Variants in OR52A1 observed in about 807,000 individuals in gnomAD.
OR52A1 encodes the protein olfactory receptor family 52 subfamily A member 1, also known as olfactory receptor 52A1.
A neutral mutation model predicts 14.3 loss-of-function variants in OR52A1; 14 were observed. The ratio of observed to expected loss-of-function variants is 0.98; its 90% CI spans 0.65 to 1.54. OR52A1 has a LOEUF of 1.54. Ranked by LOEUF, OR52A1 falls within the 40% of genes most tolerant of loss-of-function variation. OR52A1 has a pLI of 0.00. For synonymous variants in OR52A1, 151 were observed against 135.3 expected, an observed-to-expected ratio of 1.12 and a Z score of -0.80; for missense variants, 405 against 381.3, an observed-to-expected ratio of 1.06 and a Z score of -0.52.
rs1318850387 is a variant in OR52A1, at chr11:5,152,233, A to G, written c.137T>C (p.Leu46Ser). Residue 46 changes from leucine (L) to serine (S), a missense_variant, in exon 2 of 2, where the codon TTG becomes TCG. Transcript: ENST00000380367. ...CTCAGATTTGATGATGCTCAGAAGC[A>G]AGGAATTTCCAATCATAGCAATGAG... ...IYLIAMIGNS[L>S]LLSIIKSERS... 6.2e-7 allele frequency: 1 copy of G among 1,614,200 alleles called. No individual in the cohort carries two copies. Among genetic ancestry groups the G allele is most frequent in the Non-Finnish European group, 8.5e-7 (1 of 1,180,018 alleles).
In OR52A1 at chr11:5,151,990, G is replaced by T. The variant is rs1368150532; in HGVS notation, c.380C>A (p.Ala127Asp). 6.2e-7 allele frequency: 1 copy of T among 1,614,018 alleles called. No homozygotes were observed. The highest frequency in any genetic ancestry group is 1.7e-5 in the Admixed American group (1 of 60,022). ...LVAMALDRYV[A>D]ICYPLRHANI... ...GGCATGTCTTAGTGGATAACAGATG[G>T]CCACATAACGGTCCAGGGCCATGGC... Residue 127 changes from alanine to aspartate, a missense_variant, in exon 2 of 2, where the codon GCC becomes GAC. Ala to Asp is a moderately radical substitution (Grantham distance 126). Transcript: ENST00000380367.
At position 5,152,121 on chromosome 11, in the gene OR52A1, C is replaced by G; in HGVS notation, c.249G>C (p.Met83Ile). ...GCACATTAAACCAGAATATTCCAAG[C>G]ATCTTTGGCATAATGCTGCTAGCAA... ...IALASSIMPK[M>I]LGIFWFNVPE... is the part of the protein sequence containing the mutation. The change falls in exon 2 of 2, where the codon ATG becomes ATC. Residue 83 changes from methionine (M) to isoleucine (I), a missense_variant. By Grantham distance (10) the Met-to-Ile change is conservative (BLOSUM62 1). Coordinates refer to ENST00000380367, the MANE Select transcript of OR52A1 (RefSeq NM_012375.3). The G allele has an allele frequency of 6.2e-7, 1 of 1,614,154 alleles. No homozygotes were observed. The highest frequency in any genetic ancestry group is 8.5e-7 in the Non-Finnish European group (1 of 1,179,976).
chr11:5,147,313 G>C lies in OR52A1; in HGVS notation c.*4118C>G, dbSNP rs986282849. ...GATTGGGGCACAATGCCCAGATTCT[G>C]GTCAGATATTATTCTGGATGTTTCT... On this transcript the variant is annotated 3_prime_UTR_variant, in exon 2 of 2. Coordinates refer to ENST00000380367, the MANE Select transcript of OR52A1 (RefSeq NM_012375.3). 6 of 152,188 alleles carry C rather than the reference G, an allele frequency of 3.9e-5. No homozygotes were observed. Among genetic ancestry groups the C allele is most frequent in the Admixed American group, 1.3e-4 (2 of 15,288 alleles). The allele number at this position is 152,188 out of a possible 1,614,324, so 9.4% of individuals were successfully genotyped here. A position where few individuals can be genotyped will look rare whatever the true frequency, so the allele number is the denominator to read the frequency against.
rs760646883 is a variant in OR52A1 at position 5,151,259 on chromosome 11, C to T, written c.*172G>A. 2.2e-5 allele frequency: 13 copies of T among 591,356 alleles called. No homozygotes were observed. Among genetic ancestry groups the T allele is most frequent in the Non-Finnish European group, 3.0e-5 (10 of 334,786 alleles). The allele number at this position is 591,356 out of a possible 1,614,324, so 36.6% of individuals were successfully genotyped here. On this transcript the variant is annotated 3_prime_UTR_variant, in exon 2 of 2. Transcript: ENST00000380367. ...TTTCACACTTCTCACTTTCATTAGT[C>T]ACGTAGAATTCACAATCCCACTGAT...
At position 5,150,753 on chromosome 11, in the gene OR52A1, T is replaced by C. The variant is rs1846530991; in HGVS notation, c.*678A>G. ...TTATTCACTGTGCCAGATTTACTAT[T>C]ATGTCACGATTCTGTAGTATAGTAT... On this transcript the variant is annotated 3_prime_UTR_variant, in exon 2 of 2. Transcript: ENST00000380367. The C allele has an allele frequency of 2.0e-5, 3 of 152,152 alleles. No homozygotes were observed. Among genetic ancestry groups the C allele is most frequent in the Non-Finnish European group, 4.4e-5 (3 of 68,048 alleles). The allele number at this position is 152,152 out of a possible 1,614,324, so 9.4% of individuals were successfully genotyped here.
chr11:5,152,745 G>C (rs1404647244), intron 1 of OR52A1, 55 bp from the exon 2 acceptor site: 1 of 180,758 alleles, frequency 5.5e-6, no homozygotes, highest in Non-Finnish European at 1.3e-5. Context: ...ATTTTAATTT[G>C]GTTAATAAAC....
rs1395396191 is a variant in OR52A1, at chr11:5,151,979, G to A, written c.391C>T (p.Pro131Ser). Residue 131 changes from proline (P) to serine (S), a missense_variant, in exon 2 of 2, where the codon CCA (proline) becomes TCA (serine). Pro to Ser is a moderately conservative substitution (Grantham distance 74, BLOSUM62 -1). Transcript: ENST00000380367. The part of the protein sequence containing the change: ...ALDRYVAICY[P>S]LRHANIFTHQ... The stretch of plus-strand genomic sequence containing the variant: ...GTGAAGATGTTGGCATGTCTTAGTG[G>A]ATAACAGATGGCCACATAACGGTCC... 2 of 1,614,048 alleles carry A rather than the reference G, an allele frequency of 1.2e-6. No homozygotes were observed. Among genetic ancestry groups the A allele is most frequent in the South Asian group, 1.1e-5 (1 of 91,076 alleles).
Position 5,149,979 on chromosome 11 carries a change from T to C in OR52A1, c.*1452A>G, listed in dbSNP as rs1846522632. 1 of 152,140 alleles carries C rather than the reference T, an allele frequency of 6.6e-6. No individual in the cohort carries two copies. The highest frequency in any genetic ancestry group is 1.9e-4 in the East Asian group (1 of 5,200). The allele number at this position is 152,140 out of a possible 1,614,324, so 9.4% of individuals were successfully genotyped here. Reference sequence around the variant, plus strand: ...GTATGACAAGCAATCCAATATTTCTTATATTTGCAGTGGTTTTAATCTGGT... The same window carrying C: ...GTATGACAAGCAATCCAATATTTCTCATATTTGCAGTGGTTTTAATCTGGT... On this transcript the variant is annotated 3_prime_UTR_variant, in exon 2 of 2. Coordinates refer to ENST00000380367, the MANE Select transcript of OR52A1 (RefSeq NM_012375.3).
Position 5,152,458 on chromosome 11 carries a change from AT to A in OR52A1, c.-90del. ...CTGCTTTCTGATTTTCTCCAAACTC[AT>A]TATATTGAGTCTGTCTGATTTGGGT... On this transcript the variant is annotated 5_prime_UTR_variant, in exon 2 of 2. It adds an upstream start codon to the 5' untranslated region. Transcript: ENST00000380367. 1 of 885,070 alleles carries A rather than the reference AT, an allele frequency of 1.1e-6. No homozygotes were observed. Among genetic ancestry groups the A allele is most frequent in the Non-Finnish European group, 1.7e-6 (1 of 579,286 alleles). 54.8% of individuals were successfully genotyped at this position (885,070 alleles called of 1,614,324 possible). A position where few individuals can be genotyped will look rare whatever the true frequency, so the allele number is the denominator to read the frequency against.
At position 5,150,862 on chromosome 11, in the gene OR52A1, T is replaced by C. The variant is rs992737195; in HGVS notation, c.*569A>G. On this transcript the variant is annotated 3_prime_UTR_variant, in exon 2 of 2. Transcript: ENST00000380367. The stretch of plus-strand genomic sequence containing the variant: ...TTAGCAAAAAAAAAAACAACAACAT[T>C]GATGTGTCAAATGCAACACCTGGTT... 6.6e-6 allele frequency: 1 copy of C among 152,162 alleles called. No individual in the cohort carries two copies. The highest frequency in any genetic ancestry group is 1.5e-5 in the Non-Finnish European group (1 of 68,024). The allele number at this position is 152,162 out of a possible 1,614,324, so 9.4% of individuals were successfully genotyped here. A position where few individuals can be genotyped will look rare whatever the true frequency, so the allele number is the denominator to read the frequency against.
chr11:5,154,662 C>T lies in OR52A1; in HGVS notation c.-537G>A, dbSNP rs143606263. ...TTATCTCTAACACGGACATCTTCTTCTTCTTCTGGAAGTCTGTCTCAGACC... is the reference window on the plus strand; with the variant it reads ...TTATCTCTAACACGGACATCTTCTTTTTCTTCTGGAAGTCTGTCTCAGACC... On this transcript the variant is annotated 5_prime_UTR_variant, in exon 1 of 2. Transcript: ENST00000380367. The T allele has an allele frequency of 6.4e-3, 981 of 152,320 alleles. 18 individuals are homozygous for T. Among genetic ancestry groups the T allele is most frequent in the African/African-American group, 0.022 (929 of 41,568 alleles). 9.4% of individuals were successfully genotyped at this position (152,320 alleles called of 1,614,324 possible).
rs1282288787 is a variant in OR52A1 at position 5,151,642 on chromosome 11, G to A, written c.728C>T (p.Thr243Ile). Residue 243 changes from threonine (T) to isoleucine (I), a missense_variant, in exon 2 of 2, where the codon ACC becomes ATC. Transcript: ENST00000380367. Reference protein sequence around the residue: ...QKEARFKAFNTCIAHICVFLQ... With the variant: ...QKEARFKAFNICIAHICVFLQ... ...GAAGACACAGATGTGAGCAATGCAG[G>A]TATTGAATGCTTTAAACCTAGCCTC... is the stretch of plus-strand genomic sequence containing the variant. 2 of 1,614,146 alleles carry A rather than the reference G, an allele frequency of 1.2e-6. No homozygotes were observed. The highest frequency in any genetic ancestry group is 1.7e-5 in the Admixed American group (1 of 60,016).
rs1846526857 is a variant in OR52A1, at chr11:5,150,344, T to A, written c.*1087A>T. On this transcript the variant is annotated 3_prime_UTR_variant, in exon 2 of 2. Coordinates refer to ENST00000380367, the MANE Select transcript of OR52A1 (RefSeq NM_012375.3). ...GTCCAGCAACTCTGCACAACATTAATAGCCATTTTTGATATTCATATTTTC... is the reference window on the plus strand; with the variant it reads ...GTCCAGCAACTCTGCACAACATTAAAAGCCATTTTTGATATTCATATTTTC... 6.6e-6 allele frequency: 1 copy of A among 152,138 alleles called. No homozygotes were observed. The highest frequency in any genetic ancestry group is 2.1e-4 in the South Asian group (1 of 4,832). The allele number at this position is 152,138 out of a possible 1,614,324, so 9.4% of individuals were successfully genotyped here. A position where few individuals can be genotyped will look rare whatever the true frequency, so the allele number is the denominator to read the frequency against.
Position 5,146,944 on chromosome 11 carries a change from G to A in OR52A1, c.*4487C>T, listed in dbSNP as rs1476365289. The A allele has an allele frequency of 6.6e-6, 1 of 152,152 alleles. No individual in the cohort carries two copies. The highest frequency in any genetic ancestry group is 2.4e-5 in the African/African-American group (1 of 41,436). The allele number at this position is 152,152 out of a possible 1,614,324, so 9.4% of individuals were successfully genotyped here. ...TGAAATCTTAGAATATAGGGCAGAGGTATTTATCAGAACTCTATCATACAT... is the reference window on the plus strand; with the variant it reads ...TGAAATCTTAGAATATAGGGCAGAGATATTTATCAGAACTCTATCATACAT... On this transcript the variant is annotated 3_prime_UTR_variant, in exon 2 of 2. Coordinates refer to ENST00000380367, the MANE Select transcript of OR52A1 (RefSeq NM_012375.3).
rs1288651558 is a variant in OR52A1 at position 5,150,436 on chromosome 11, A to G, written c.*995T>C. On this transcript the variant is annotated 3_prime_UTR_variant, in exon 2 of 2. Coordinates refer to ENST00000380367, the MANE Select transcript of OR52A1 (RefSeq NM_012375.3). ...AAAAACTAGAGTTACCTTAAACTAC[A>G]TTATCTAGTTTAAATCTCCTCTACT... The G allele has an allele frequency of 6.6e-6, 1 of 152,186 alleles. No homozygotes were observed. Among genetic ancestry groups the G allele is most frequent in the Non-Finnish European group, 1.5e-5 (1 of 68,038 alleles). The allele number at this position is 152,186 out of a possible 1,614,324, so 9.4% of individuals were successfully genotyped here.
rs1846522794 is a variant in OR52A1, at chr11:5,150,001, T to A, written c.*1430A>T. On this transcript the variant is annotated 3_prime_UTR_variant, in exon 2 of 2. Coordinates refer to ENST00000380367, the MANE Select transcript of OR52A1 (RefSeq NM_012375.3). ...TCTTATATTTGCAGTGGTTTTAATC[T>A]GGTAAATCAAAGTATGGACATCTGC... The A allele has an allele frequency of 1.3e-5, 2 of 152,174 alleles. No individual in the cohort carries two copies. The highest frequency in any genetic ancestry group is 4.1e-4 in the South Asian group (2 of 4,830). 9.4% of individuals were successfully genotyped at this position (152,174 alleles called of 1,614,324 possible).
rs1846560244 is a variant in OR52A1, at chr11:5,152,462, T to C, written c.-93A>G. On this transcript the variant is annotated 5_prime_UTR_variant, in exon 2 of 2. In the 5' UTR this introduces an upstream ATG that the reference lacks. Transcript: ENST00000380367. The stretch of plus-strand genomic sequence containing the variant: ...TTTCTGATTTTCTCCAAACTCATTA[T>C]ATTGAGTCTGTCTGATTTGGGTATA... The C allele has an allele frequency of 2.3e-6, 2 of 851,234 alleles. No homozygotes were observed. The highest frequency in any genetic ancestry group is 3.6e-6 in the Non-Finnish European group (2 of 549,590). The allele number at this position is 851,234 out of a possible 1,614,324, so 52.7% of individuals were successfully genotyped here. A position where few individuals can be genotyped will look rare whatever the true frequency, so the allele number is the denominator to read the frequency against.
chr11:5,151,230 C>T lies in OR52A1; in HGVS notation c.*201G>A, dbSNP rs1211252299. 3 of 521,108 alleles carry T rather than the reference C, an allele frequency of 5.8e-6. No individual in the cohort carries two copies. The highest frequency in any genetic ancestry group is 1.0e-5 in the Non-Finnish European group (3 of 297,120). 32.3% of individuals were successfully genotyped at this position (521,108 alleles called of 1,614,324 possible). A position where few individuals can be genotyped will look rare whatever the true frequency, so the allele number is the denominator to read the frequency against. On this transcript the variant is annotated 3_prime_UTR_variant, in exon 2 of 2. Coordinates refer to ENST00000380367, the MANE Select transcript of OR52A1 (RefSeq NM_012375.3). The stretch of plus-strand genomic sequence containing the variant: ...AAAATAATATATATTCACTACTTCA[C>T]TCATTTCACACTTCTCACTTTCATT...
rs773422460 is a variant in OR52A1, at chr11:5,152,057, A to G, written c.313T>C (p.Phe105Leu). 4 of 1,614,044 alleles carry G rather than the reference A, an allele frequency of 2.5e-6. No individual in the cohort carries two copies. In the East Asian group the frequency reaches 8.9e-5, roughly 36 times the overall value. ...TCTATACCCTGCAATGTGTGGATGA[A>G]CCACATTTGAAGCAAGCAGGAATCA... ...YFDSCLLQMW[F>L]IHTLQGIESG... Residue 105 changes from phenylalanine (F) to leucine (L), a missense_variant, in exon 2 of 2, where the codon TTC becomes CTC. Physicochemically the swap from Phe to Leu is conservative, Grantham distance 22. Coordinates refer to ENST00000380367, the MANE Select transcript of OR52A1 (RefSeq NM_012375.3).
Sources: allele counts gnomAD v4.1 joint callset, GRCh38; gene constraint gnomAD v4.1.1; transcripts MANE v1.5; gene names NCBI Gene and HGNC (gene_info 2026-07-23, HGNC 2026-07-21).